YTHDF2: variants seen among roughly 807,000 people sequenced by gnomAD.
YTHDF2 encodes the protein YTH domain-containing family protein 2.
Under a neutral mutation model 50.4 loss-of-function variants are expected in YTHDF2, and 2 were observed. The ratio of observed to expected loss-of-function variants is 0.04; its 90% confidence interval spans 0.02 to 0.12. The LOEUF is 0.12. Ranked by LOEUF, YTHDF2 falls within the 10% of genes least tolerant of loss-of-function variation. YTHDF2 has a pLI of 1.00. For missense variants in YTHDF2, 483 were observed against 722.6 expected (o/e 0.67, Z 3.80); for synonymous variants, 217 against 255.6 (o/e 0.85, Z 1.44).
intron 4 of YTHDF2, among the ~76,000 whole-genome samples, chr1:28,759,927 G>T (rs960007288): frequency 6.6e-6 from 1 of 152,218 alleles, no homozygotes; most frequent in African/African-American, 2.4e-5. Flanking sequence ...CTGTGCTCCA[G>T]CGTGGGCAAC....
At chr1:28,748,333 C>T (rs1303913140) in intron 4 of YTHDF2, among the ~76,000 whole-genome samples, 1 of 152,132 alleles carries the variant, frequency 6.6e-6, no homozygotes, top group Non-Finnish European at 1.5e-5. Flanking sequence ...GAGAATGGGG[C>T]TCATAGCTCA....
intron 4 of YTHDF2, among the ~76,000 whole-genome samples, chr1:28,756,930 T>C (rs2088043762): frequency 6.6e-6 from 1 of 152,192 alleles, no homozygotes; most frequent in Non-Finnish European, 1.5e-5. Context: ...TTTTTTACAT[T>C]CATCATTGAA....
intron 3 of YTHDF2, among the ~76,000 whole-genome samples, chr1:28,741,457 C>T (rs1450152810): frequency 6.6e-6 from 1 of 152,162 alleles, no homozygotes; most frequent in African/African-American, 2.4e-5. Context: ...GCCACCATGC[C>T]TAGCTAATTT....
chr1:28,750,189 C>T (rs912529467), intron 4 of YTHDF2, among the ~76,000 whole-genome samples: 2 of 151,788 alleles, frequency 1.3e-5, no homozygotes, highest in Non-Finnish European at 2.9e-5. Context: ...CAGGGTTTCA[C>T]CATGTTGGGC....
chr1:28,756,928 A>G (rs1232660705), intron 4 of YTHDF2, among the ~76,000 whole-genome samples: 1 of 152,194 alleles, frequency 6.6e-6, no homozygotes, highest in Non-Finnish European at 1.5e-5. Context: ...GCTTTTTTAC[A>G]TTCATCATTG....
At chr1:28,768,375 A>C (rs1355571629) in intron 4 of YTHDF2, among the ~76,000 whole-genome samples, 2 of 151,716 alleles carry the variant, frequency 1.3e-5, no homozygotes, top group African/African-American at 4.8e-5. Flanking sequence ...CTAGGGAAGG[A>C]GGCCAGATGT....
chr1:28,738,620 T>A (rs2087731341), intron 3 of YTHDF2, among the ~76,000 whole-genome samples: 1 of 152,144 alleles, frequency 6.6e-6, no homozygotes, highest in Non-Finnish European at 1.5e-5. Context: ...AGTTTTTCTA[T>A]TTTTTTAGTA....
chr1:28,760,889 AT>A (rs2088113565), intron 4 of YTHDF2, among the ~76,000 whole-genome samples: 1 of 152,056 alleles, frequency 6.6e-6, no homozygotes, highest in African/African-American at 2.4e-5. Context: ...CGAATTTGTT[AT>A]TAAGTATTAT....
At chr1:28,765,776 C>A (rs1210810576) in intron 4 of YTHDF2, among the ~76,000 whole-genome samples, 1 of 152,160 alleles carries the variant, frequency 6.6e-6, no homozygotes, top group African/African-American at 2.4e-5. Context: ...ATTTACTCTT[C>A]CACATTTTGC....
In YTHDF2 at chr1:28,743,228, G is replaced by A. The variant is rs886153287; in HGVS notation, c.958G>A (p.Ala320Thr). The A allele has an allele frequency of 6.2e-7, 1 of 1,614,094 alleles. No individual in the cohort carries two copies. Among genetic ancestry groups the A allele is most frequent in the Admixed American group, 1.7e-5 (1 of 60,002 alleles). ...TAACAATAGCCCACCAGTGGCTCAG[G>A]CATCAGTAGGGCAACAGACACAGCC... is the stretch of plus-strand genomic sequence containing the variant. ...QANNSPPVAQ[A>T]SVGQQTQPLP... Residue 320 changes from alanine (A) to threonine (T), a missense_variant, in exon 4 of 5, where the codon GCA becomes ACA. Transcript: ENST00000373812. This position sits in a 1 kb window ranked among gnomAD's most constrained non-coding sequence, Gnocchi z 6.9.
chr1:28,742,517 A>G lies in YTHDF2; in HGVS notation c.247A>G (p.Met83Val), dbSNP rs1282382330. ...AAWSTGGDTA[M>V]PYLTSYGQLS... is the part of the protein sequence containing the mutation. ...TTGGTCTACGGGGGGTGACACAGCC[A>G]TGCCCTACTTAACTTCTTATGGACA... is the stretch of plus-strand genomic sequence containing the variant. The change falls in exon 4 of 5, where the codon ATG (methionine) becomes GTG (valine). Residue 83 changes from methionine (M) to valine (V), a missense_variant. Physicochemically the swap from Met to Val is conservative, Grantham distance 21. Around this residue, in one of 4 missense-constraint regions of YTHDF2, gnomAD observed 385 missense variants for 475.8 expected, o/e 0.81. Transcript: ENST00000373812. The G allele has an allele frequency of 1.2e-6, 2 of 1,614,006 alleles. No individual in the cohort carries two copies. The highest frequency in any genetic ancestry group is 3.3e-5 in the Admixed American group (2 of 59,990).
intron 4 of YTHDF2, among the ~76,000 whole-genome samples, chr1:28,751,018 G>T (rs1028339195): frequency 6.7e-6 from 1 of 149,036 alleles, no homozygotes; most frequent in African/African-American, 2.5e-5. Flanking sequence ...GCTTGAACTT[G>T]GGAGATGGAG....
chr1:28,761,161 G>A (rs1334233637), intron 4 of YTHDF2, among the ~76,000 whole-genome samples: 1 of 133,166 alleles, frequency 7.5e-6, no homozygotes, highest in African/African-American at 2.9e-5. Context: ...TTGAGAGAAG[G>A]CCTCACTTTG....
intron 4 of YTHDF2, among the ~76,000 whole-genome samples, chr1:28,763,956 T>A (rs1025746591): frequency 1.7e-4 from 15 of 88,380 alleles, no homozygotes; most frequent in Non-Finnish European, 3.3e-4. Context: ...TTATTTATTT[T>A]ATTTTTTTTT....
intron 4 of YTHDF2, among the ~76,000 whole-genome samples, chr1:28,764,621 C>G (rs1047262565): frequency 2.0e-5 from 3 of 151,896 alleles, no homozygotes; most frequent in Non-Finnish European, 4.4e-5. Flanking sequence ...GTTGGCCATG[C>G]TGGTCTTGAA....
chr1:28,756,787 T>TTGCCTGCC (rs147570839), intron 4 of YTHDF2, among the ~76,000 whole-genome samples: 4 of 151,888 alleles, frequency 2.6e-5, no homozygotes, highest in African/African-American at 4.8e-5. Flanking sequence ...AGCATTGGCT[T>TTGCCTGCC]TGCCTGCCTG....
At chr1:28,764,995 C>G (rs1350845147) in intron 4 of YTHDF2, among the ~76,000 whole-genome samples, 1 of 152,092 alleles carries the variant, frequency 6.6e-6, no homozygotes, top group East Asian at 1.9e-4. Context: ...TTGCTTCAGC[C>G]TCCCAAGTAG....
rs954748015 is a variant in YTHDF2 at position 28,737,393 on chromosome 1, TTTCC to T, written c.27+253_28-255del. The T allele has an allele frequency of 4.3e-5, 27 of 630,396 alleles. No individual in the cohort carries two copies. In the Admixed American group the frequency reaches 6.1e-4, roughly 14 times the overall value. The allele number at this position is 630,396 out of a possible 1,614,324, so 39.1% of individuals were successfully genotyped here. On this transcript the variant is annotated intron_variant, in intron 1 of 4. Transcript: ENST00000373812. ...GTTCCCTTCTCTCGGCGGGCCTCGT[TTTCC>T]TTCCTTGTTTCCTTCCCCTTCCTTA...
At chr1:28,744,078 T>G in intron 4 of YTHDF2, 92 bp downstream of exon 4, 5 of 1,315,322 alleles carry the variant, frequency 3.8e-6, no homozygotes, top group Non-Finnish European at 5.0e-6. Flanking sequence ...ATAAAAACTC[T>G]GTAAATGAAT....
Sources: gnomAD v4.1 joint callset for allele counts (sites outside exome capture counted in the v4.1 genomes callset) on GRCh38, gnomAD v4.1.1 for gene constraint, gnomAD v4.1.1 regional missense constraint, Gnocchi (gnomAD v3.1) non-coding constraint, MANE v1.5 for transcripts, NCBI Gene and HGNC (gene_info 2026-07-23, HGNC 2026-07-21) for gene names.